Variants in FUT9 observed in about 807,000 individuals in gnomAD.
The protein encoded by FUT9 is 4-galactosyl-N-acetylglucosaminide 3-alpha-L-fucosyltransferase 9.
In FUT9, 15 loss-of-function variants were observed where a neutral mutation model predicts 29.7. The observed-to-expected ratio is 0.51, with a 90% CI of 0.34 to 0.78. The LOEUF (loss-of-function observed/expected upper bound fraction) is 0.78, where lower values mean the gene tolerates loss of function less well. FUT9 is among the 30% of genes least tolerant of loss of function. FUT9 has a pLI of 0.01. For synonymous variants in FUT9, 169 were observed against 153.7 expected, an observed-to-expected ratio of 1.10 and a Z score of -0.74; for missense variants, 319 against 425.4, an observed-to-expected ratio of 0.75 and a Z score of 2.20.
intron 1 of FUT9, among the ~76,000 whole-genome samples, chr6:96,106,447 T>C (rs1030662819): frequency 7.9e-5 from 12 of 152,130 alleles, no homozygotes; most frequent in African/African-American, 2.4e-4. Context: ...GGGTATGAAG[T>C]GTCACCAACT....
At chr6:96,051,092 C>T (rs967289091) in intron 1 of FUT9, among the ~76,000 whole-genome samples, 2 of 151,400 alleles carry the variant, frequency 1.3e-5, no homozygotes, top group South Asian at 2.1e-4. Context: ...TTAAATTCCA[C>T]GTGGAATGTG....
At chr6:96,151,542 TG>T (rs1236688098) in intron 2 of FUT9, among the ~76,000 whole-genome samples, 1 of 152,180 alleles carries the variant, frequency 6.6e-6, no homozygotes, top group African/African-American at 2.4e-5. Flanking sequence ...CCTTCCTCCT[TG>T]CTTCAGGGCA....
At chr6:96,197,604 T>C (rs1773649613) in intron 2 of FUT9, among the ~76,000 whole-genome samples, 1 of 152,162 alleles carries the variant, frequency 6.6e-6, no homozygotes, top group African/African-American at 2.4e-5. Flanking sequence ...TATCAAAAAA[T>C]CTCATTAGGA....
intron 2 of FUT9, among the ~76,000 whole-genome samples, chr6:96,143,077 C>T (rs939710772): frequency 3.9e-5 from 6 of 152,078 alleles, no homozygotes; most frequent in Non-Finnish European, 7.4e-5. Context: ...TGAATGTTTG[C>T]GCCCCTCTCA....
chr6:96,093,652 A>G (rs1771450500), intron 1 of FUT9, among the ~76,000 whole-genome samples: 1 of 152,170 alleles, frequency 6.6e-6, no homozygotes, highest in Non-Finnish European at 1.5e-5. Flanking sequence ...CCATGCCCAT[A>G]TTATTTATGA....
chr6:96,068,644 T>C (rs1013099102), intron 1 of FUT9, among the ~76,000 whole-genome samples: 1 of 152,216 alleles, frequency 6.6e-6, no homozygotes, highest in African/African-American at 2.4e-5. Flanking sequence ...GTTTAAGTAG[T>C]GTTAGGTATG....
At position 96,073,443 on chromosome 6, in the gene FUT9, C is replaced by T. The variant is rs184574070; in HGVS notation, c.-97-40596C>T. ...CAGCTTGGGAGACAGAGTGAGACTC[C>T]GTCTCAAAAAAAAAAAAAAAAAGCA... On this transcript the variant is annotated intron_variant, in intron 1 of 2. Transcript: ENST00000302103. Among the ~76,000 whole-genome samples, 854 of 141,602 alleles carry T rather than the reference C, an allele frequency of 6.0e-3. 11 individuals carry two copies. The highest frequency in any genetic ancestry group is 0.022 in the African/African-American group (809 of 37,572). 92.9% of individuals were successfully genotyped at this position (141,602 alleles called of 152,430 possible).
rs1474398860 is a variant in FUT9, at chr6:96,141,009, A to G, written c.-9+26882A>G. Reference sequence around the variant, plus strand: ...AAACACTTCAGTTTCTGGGTTGTAAAGAGGAGTTTTGATAGAATATTCAAT... The same window carrying G: ...AAACACTTCAGTTTCTGGGTTGTAAGGAGGAGTTTTGATAGAATATTCAAT... On this transcript the variant is annotated intron_variant, in intron 2 of 2. Coordinates refer to ENST00000302103, the MANE Select transcript of FUT9 (RefSeq NM_006581.4). Among the ~76,000 whole-genome samples the G allele has an allele frequency of 2.6e-5, 4 of 152,320 alleles. No individual in the cohort carries two copies. The East Asian group carries it at 5.8e-4, about 22-fold the overall frequency.
chr6:96,170,552 AC>A (rs1381145913), intron 2 of FUT9, among the ~76,000 whole-genome samples: 2 of 150,130 alleles, frequency 1.3e-5, no homozygotes, highest in Non-Finnish European at 3.0e-5. Flanking sequence ...CCTTTCACAC[AC>A]ACACACACAC....
chr6:96,177,103 T>C (rs1773218506), intron 2 of FUT9, among the ~76,000 whole-genome samples: 1 of 152,186 alleles, frequency 6.6e-6, no homozygotes, highest in African/African-American at 2.4e-5. Flanking sequence ...CCCTAAATTA[T>C]GTGATACTCC....
At chr6:96,198,900 G>A (rs917462881) in intron 2 of FUT9, among the ~76,000 whole-genome samples, 3 of 152,016 alleles carry the variant, frequency 2.0e-5, no homozygotes, top group African/African-American at 7.2e-5. Context: ...GTGTTTTTTG[G>A]CTGCATAAAT....
At chr6:96,168,713 A>C (rs1456615893) in intron 2 of FUT9, among the ~76,000 whole-genome samples, 1 of 152,250 alleles carries the variant, frequency 6.6e-6, no homozygotes, top group Non-Finnish European at 1.5e-5. Context: ...AGTGAAATAC[A>C]AGAGTAAATC....
intron 2 of FUT9, among the ~76,000 whole-genome samples, chr6:96,177,534 C>T (rs17056377): frequency 0.15 from 22,377 of 152,090 alleles, 1,827 homozygotes; most frequent in Non-Finnish European, 0.18. Context: ...TTTCTGACTA[C>T]ACTCCTAATT....
At chr6:96,107,992 T>A (rs1771724551) in intron 1 of FUT9, among the ~76,000 whole-genome samples, 1 of 152,018 alleles carries the variant, frequency 6.6e-6, no homozygotes, top group Non-Finnish European at 1.5e-5. Context: ...CACTTTTTTT[T>A]TTTTTTTGTC....
intron 1 of FUT9, among the ~76,000 whole-genome samples, chr6:96,051,281 A>T (rs1770665063): frequency 1.3e-5 from 2 of 152,194 alleles, no homozygotes; most frequent in African/African-American, 4.8e-5. Context: ...CCTATGAAAT[A>T]GTAATAAAGG....
chr6:96,144,446 C>T (rs926217020), intron 2 of FUT9, among the ~76,000 whole-genome samples: 8 of 152,114 alleles, frequency 5.3e-5, no homozygotes, highest in African/African-American at 1.9e-4. Flanking sequence ...ATTAGATGCA[C>T]CCTACAATAA....
intron 1 of FUT9, among the ~76,000 whole-genome samples, chr6:96,067,303 G>C (rs1770979058): frequency 6.6e-6 from 1 of 151,908 alleles, no homozygotes; most frequent in African/African-American, 2.4e-5. Context: ...AGGTAGGGTT[G>C]AGGGGCAAGT....
At chr6:96,058,542 A>ACCTAATG (rs1770817177) in intron 1 of FUT9, among the ~76,000 whole-genome samples, 1 of 150,894 alleles carries the variant, frequency 6.6e-6, no homozygotes, top group Non-Finnish European at 1.5e-5. Context: ...CCCTTTGAAG[A>ACCTAATG]CCTAATGCAG....
chr6:96,150,340 C>A (rs1443304621), intron 2 of FUT9, among the ~76,000 whole-genome samples: 1 of 151,968 alleles, frequency 6.6e-6, no homozygotes, highest in African/African-American at 2.4e-5. Flanking sequence ...TAGTGCAGAG[C>A]GTGATGAATC....
Sources: allele counts gnomAD v4.1 joint callset (sites outside exome capture counted in the v4.1 genomes callset), GRCh38; gene constraint gnomAD v4.1.1; transcripts MANE v1.5; gene names NCBI Gene and HGNC (gene_info 2026-07-23, HGNC 2026-07-21).